Variants in CLEC16A observed in about 807,000 individuals in gnomAD.
The protein encoded by CLEC16A is protein CLEC16A.
In CLEC16A, 51 loss-of-function variants were observed where a neutral mutation model predicts 109.5. The ratio of observed to expected loss-of-function variants is 0.47; its 90% CI spans 0.37 to 0.59. The LOEUF is 0.59. CLEC16A is among the 20% of genes least tolerant of loss of function. The probability of loss-of-function intolerance (pLI) is 0.00; values close to 1 mark genes in which losing one functional copy is unlikely to be tolerated. For missense variants in CLEC16A, 1,339 were observed against 1,394.0 expected (o/e 0.96, Z 0.63); for synonymous variants, 673 against 564.2 (o/e 1.19, Z -2.73).
intron 18 of CLEC16A, among the ~76,000 whole-genome samples, chr16:11,054,797 A>G (rs1000762718): frequency 2.0e-5 from 3 of 152,172 alleles, no homozygotes; most frequent in East Asian, 3.9e-4. Context: ...GAACACACCA[A>G]TGTGCTTTGA....
rs1190713649 is a variant in CLEC16A, at chr16:10,980,429, T to C, written c.957+1047T>C. ...TTCCAAGTCTGCCGGCATCTCCTGC[T>C]TGAGATTCTGAGAGTCCAACAGGAC... is the stretch of plus-strand genomic sequence containing the variant. On this transcript the variant is annotated intron_variant, in intron 9 of 23. Coordinates refer to ENST00000409790, the MANE Select transcript of CLEC16A (RefSeq NM_015226.3). 1.3e-5 allele frequency among the ~76,000 whole-genome samples: 2 copies of C among 151,946 alleles called. 1 individual carries two copies. The highest frequency in any genetic ancestry group is 2.9e-5 in the Non-Finnish European group (2 of 67,994).
chr16:11,046,691 C>G (rs989835307), intron 16 of CLEC16A, among the ~76,000 whole-genome samples: 1 of 152,110 alleles, frequency 6.6e-6, no homozygotes, highest in Non-Finnish European at 1.5e-5. Flanking sequence ...AACAAGGAGG[C>G]GAGAGGTGTA....
At chr16:11,014,449 C>T (rs982795009) in intron 11 of CLEC16A, among the ~76,000 whole-genome samples, 1 of 151,978 alleles carries the variant, frequency 6.6e-6, no homozygotes, top group Admixed American at 6.5e-5. Flanking sequence ...GTGTGTCTTG[C>T]GGAGAAAGAC....
intron 13 of CLEC16A, chr16:11,027,213 C>T (rs986455776): frequency 7.7e-6 from 11 of 1,428,126 alleles, no homozygotes; most frequent in South Asian, 5.7e-5. Flanking sequence ...GCAGCAGAAA[C>T]CTGACAAGGT....
rs1189228753 is a variant in CLEC16A at position 10,957,925 on chromosome 16, T to C, written c.209+15T>C. 1.2e-6 allele frequency: 2 copies of C among 1,611,440 alleles called. No homozygotes were observed. The highest frequency in any genetic ancestry group is 1.1e-5 in the South Asian group (1 of 90,888). ...TCTGTATTTGAGTAAGGGTTTCTAA[T>C]GATTGCTGTTCTTTGATTATTCTTC... On this transcript the variant is annotated intron_variant, in intron 2 of 23. Transcript: ENST00000409790.
At chr16:11,129,509 G>A (rs557031419) in intron 22 of CLEC16A, among the ~76,000 whole-genome samples, 18 of 152,272 alleles carry the variant, frequency 1.2e-4, no homozygotes, top group Admixed American at 6.5e-4. Context: ...CTGGGAATAT[G>A]AACATAAAAG....
intron 19 of CLEC16A, among the ~76,000 whole-genome samples, chr16:11,077,299 G>A (rs1305234067): frequency 6.6e-6 from 1 of 151,864 alleles, no homozygotes; most frequent in Non-Finnish European, 1.5e-5. Flanking sequence ...GTGAAACCCT[G>A]TCTCTCCTAA....
rs752206349 is a variant in CLEC16A, at chr16:10,944,693, C to A, written c.-25C>A. On this transcript the variant is annotated 5_prime_UTR_variant, in exon 1 of 24. Coordinates refer to ENST00000409790, the MANE Select transcript of CLEC16A (RefSeq NM_015226.3). ...GCTGGTCCGGCATGAGACCGTGAGA[C>A]GAGAGACGGGTCGGGGCCGCCGACA... 38 of 1,591,496 alleles carry A rather than the reference C, an allele frequency of 2.4e-5. No individual in the cohort carries two copies. Among genetic ancestry groups the A allele is most frequent in the Non-Finnish European group, 5.1e-6 (6 of 1,168,652 alleles).
chr16:11,158,266 C>A (rs952925165), intron 22 of CLEC16A, among the ~76,000 whole-genome samples: 1 of 152,234 alleles, frequency 6.6e-6, no homozygotes, highest in Non-Finnish European at 1.5e-5. Flanking sequence ...GCCACAGCCT[C>A]GGAATGAATT....
intron 7 of CLEC16A, among the ~76,000 whole-genome samples, chr16:10,973,300 G>A (rs953738765): frequency 6.6e-6 from 1 of 152,202 alleles, no homozygotes; most frequent in Non-Finnish European, 1.5e-5. Flanking sequence ...CATAGATGGG[G>A]CTGCTACGCA....
chr16:11,033,689 A>G (rs1296843859), intron 13 of CLEC16A, among the ~76,000 whole-genome samples: 1 of 152,122 alleles, frequency 6.6e-6, no homozygotes, highest in African/African-American at 2.4e-5. Flanking sequence ...TTTTTTCCTC[A>G]TAGTCAATTT....
chr16:11,041,686 C>T (rs892398385), intron 14 of CLEC16A: 1 of 152,674 alleles, frequency 6.5e-6, no homozygotes, highest in Non-Finnish European at 1.5e-5. Context: ...TGCTTGTGCC[C>T]CTCAGGGCGT....
At chr16:10,946,586 G>A (rs189241521) in intron 1 of CLEC16A, among the ~76,000 whole-genome samples, 9 of 152,236 alleles carry the variant, frequency 5.9e-5, no homozygotes, top group South Asian at 2.1e-4. Flanking sequence ...TCGAGTGGGC[G>A]GAGGTGGCTG....
chr16:10,995,638 C>T (rs1272337279), intron 10 of CLEC16A, among the ~76,000 whole-genome samples: 1 of 152,172 alleles, frequency 6.6e-6, no homozygotes, highest in Non-Finnish European at 1.5e-5. Flanking sequence ...AGGCATTTTG[C>T]CTGTTGGATC....
intron 22 of CLEC16A, among the ~76,000 whole-genome samples, chr16:11,153,969 C>T (rs1169739023): frequency 6.6e-6 from 1 of 152,190 alleles, no homozygotes; most frequent in Non-Finnish European, 1.5e-5. Flanking sequence ...AGAAGACACA[C>T]ACCTCCCCAT....
At chr16:11,126,275 T>C in intron 22 of CLEC16A, 129 bp downstream of exon 22, 4 of 1,551,150 alleles carry the variant, frequency 2.6e-6, no homozygotes, top group Non-Finnish European at 3.5e-6. Context: ...AGCACCAGCT[T>C]CTTAGAATTT....
chr16:11,023,900 A>G (rs2046266122), intron 12 of CLEC16A, among the ~76,000 whole-genome samples: 1 of 152,260 alleles, frequency 6.6e-6, no homozygotes, highest in Non-Finnish European at 1.5e-5. Context: ...CCTGTGGGCC[A>G]GACCTGTGCA....
chr16:11,126,365 G>C, intron 22 of CLEC16A: 1 of 1,450,998 alleles, frequency 6.9e-7, no homozygotes, highest in Non-Finnish European at 9.1e-7. Flanking sequence ...TGGTTTTCCA[G>C]AGATTTGTTG....
intron 19 of CLEC16A, among the ~76,000 whole-genome samples, chr16:11,120,326 C>G (rs776246657): frequency 2.0e-5 from 3 of 152,230 alleles, no homozygotes; most frequent in Non-Finnish European, 4.4e-5. Context: ...AAACATTGGA[C>G]AGATGCTTTA....
Sources: gnomAD v4.1 joint callset for allele counts (sites outside exome capture counted in the v4.1 genomes callset) on GRCh38, gnomAD v4.1.1 for gene constraint, MANE v1.5 for transcripts, NCBI Gene and HGNC (gene_info 2026-07-23, HGNC 2026-07-21) for gene names.